Variants in MTERF3 observed in about 807,000 individuals in gnomAD.
MTERF3 encodes mitochondrial transcription termination factor 3.
Under a neutral mutation model 40.5 loss-of-function variants are expected in MTERF3, and 40 were observed. That is an observed-to-expected ratio of 0.99 (90% CI 0.77 to 1.29). The LOEUF is 1.29. MTERF3 is among the 50% of genes most tolerant of loss of function. The probability of loss-of-function intolerance (pLI) is 0.00; values close to 1 mark genes in which losing one functional copy is unlikely to be tolerated. For synonymous variants in MTERF3, 158 were observed against 166.6 expected (o/e 0.95, Z 0.40); for missense variants, 452 against 478.2 (o/e 0.95, Z 0.51).
chr8:96,245,527 C>T (rs1030745768), intron 6 of MTERF3, among the ~76,000 whole-genome samples: 3 of 152,170 alleles, frequency 2.0e-5, no homozygotes, highest in Admixed American at 1.3e-4. Context: ...AGACTGGTAA[C>T]ACTGCCCAGG....
chr8:96,240,247 CAAA>C (rs955824608), intron 7 of MTERF3, among the ~76,000 whole-genome samples: 2 of 103,180 alleles, frequency 1.9e-5, no homozygotes, highest in African/African-American at 3.6e-5. Context: ...GACTCCATCT[CAAA>C]AAAAAAAAAA....
intron 7 of MTERF3, 121 bp from the exon 8 acceptor site, chr8:96,239,806 A>AAGT (rs758030194): frequency 6.8e-6 from 5 of 735,108 alleles, no homozygotes; most frequent in Non-Finnish European, 1.2e-5. Context: ...TGTGTTCAGT[A>AAGT]AGTAGGATAA....
At chr8:96,252,722 G>A (rs11996902) in intron 3 of MTERF3, among the ~76,000 whole-genome samples, 1,530 of 152,208 alleles carry the variant, frequency 0.01, 26 homozygotes, top group African/African-American at 0.035. Flanking sequence ...ATGGGGGAGC[G>A]GATGCTCTAA....
chr8:96,246,295 C>G lies in MTERF3; in HGVS notation c.825+12G>C. 6.3e-7 allele frequency: 1 copy of G among 1,586,046 alleles called. No homozygotes were observed. On this transcript the variant is annotated intron_variant, in intron 5 of 7. Transcript: ENST00000287025. ...TGACATGGAAATAAACAAATTCTCT[C>G]CTTTTCTTTACCTTCTTCACACTAA...
In MTERF3 at chr8:96,252,334, T is replaced by C. The variant is rs551894927; in HGVS notation, c.488-1239A>G. Among the ~76,000 whole-genome samples the C allele has an allele frequency of 7.2e-5, 11 of 152,372 alleles. No homozygotes were observed. In the East Asian group the frequency reaches 1.7e-3, roughly 24 times the overall value. On this transcript the variant is annotated intron_variant, in intron 3 of 7. Transcript: ENST00000287025. The stretch of plus-strand genomic sequence containing the variant: ...AATAGATAGACTATTTGTTAAAATA[T>C]ATGGGACCATTAGCTATACTTTTGA...
intron 4 of MTERF3, among the ~76,000 whole-genome samples, chr8:96,250,695 G>GGAGGAGGA (rs1491344222): frequency 1.6e-5 from 1 of 63,764 alleles, no homozygotes; most frequent in Non-Finnish European, 3.3e-5. Flanking sequence ...AGGAGGAGGA[G>GGAGGAGGA]GGGGGGAGGG....
chr8:96,253,411 TTC>T (rs1810221690), intron 3 of MTERF3, among the ~76,000 whole-genome samples: 1 of 152,132 alleles, frequency 6.6e-6, no homozygotes. Flanking sequence ...CCCTTCTACC[TTC>T]TGTCCTGTAG....
chr8:96,246,222 C>T, intron 5 of MTERF3, 85 bp downstream of exon 5: 1 of 1,277,028 alleles, frequency 7.8e-7, no homozygotes, highest in African/African-American at 1.5e-5. Context: ...TTCACATGGG[C>T]CAGGCATCTG....
intron 4 of MTERF3, among the ~76,000 whole-genome samples, chr8:96,247,751 G>A (rs1810048610): frequency 6.6e-6 from 1 of 151,978 alleles, no homozygotes; most frequent in South Asian, 2.1e-4. Context: ...AATTTTAAAT[G>A]CATGGCAAAA....
intron 4 of MTERF3, among the ~76,000 whole-genome samples, chr8:96,250,073 T>C (rs539687449): frequency 1.3e-5 from 2 of 152,284 alleles, no homozygotes; most frequent in South Asian, 2.1e-4. Flanking sequence ...TATCTCACTG[T>C]ATTTATTTTC....
intron 4 of MTERF3, among the ~76,000 whole-genome samples, chr8:96,248,948 T>A (rs1201195646): frequency 6.6e-6 from 1 of 152,230 alleles, no homozygotes. Flanking sequence ...TGAATACATG[T>A]GGCTGCATTA....
At position 96,239,448 on chromosome 8, in the gene MTERF3, A is replaced by G. The variant is rs1163157779; in HGVS notation, c.*43T>C. 2.2e-6 allele frequency: 3 copies of G among 1,367,032 alleles called. No homozygotes were observed. Among genetic ancestry groups the G allele is most frequent in the Admixed American group, 2.6e-5 (1 of 38,972 alleles). 84.7% of individuals were successfully genotyped at this position (1,367,032 alleles called of 1,614,324 possible). A position where few individuals can be genotyped will look rare whatever the true frequency, so the allele number is the denominator to read the frequency against. On this transcript the variant is annotated 3_prime_UTR_variant, in exon 8 of 8. Coordinates refer to ENST00000287025, the MANE Select transcript of MTERF3 (RefSeq NM_015942.5). ...TAAAAATATATTCATTTATTCATAT[A>G]TATATTCACTTTACAATACTGCATT...
In MTERF3 at chr8:96,250,522, C is replaced by T. The variant is rs570859372; in HGVS notation, c.677+384G>A. Among the ~76,000 whole-genome samples, 9 of 143,050 alleles carry T rather than the reference C, an allele frequency of 6.3e-5. No individual in the cohort carries two copies. The East Asian group carries it at 1.0e-3, about 16-fold the overall frequency. The allele number at this position is 143,050 out of a possible 152,430, so 93.8% of individuals were successfully genotyped here. A position where few individuals can be genotyped will look rare whatever the true frequency, so the allele number is the denominator to read the frequency against. On this transcript the variant is annotated intron_variant, in intron 4 of 7. Coordinates refer to ENST00000287025, the MANE Select transcript of MTERF3 (RefSeq NM_015942.5). Reference sequence around the variant, plus strand: ...GGTCAGGAGTTCGAGAACAGCCTGGCCAATGTGGCGAAACCCCATCTCTCC... The same window carrying T: ...GGTCAGGAGTTCGAGAACAGCCTGGTCAATGTGGCGAAACCCCATCTCTCC...
At chr8:96,247,338 T>A (rs1370086529) in intron 4 of MTERF3, among the ~76,000 whole-genome samples, 2 of 152,214 alleles carry the variant, frequency 1.3e-5, no homozygotes, top group Non-Finnish European at 1.5e-5. Context: ...ACTGAGAGAT[T>A]TTCCTGCTAA....
At chr8:96,261,014 G>A (rs959593992) in intron 1 of MTERF3, among the ~76,000 whole-genome samples, 1 of 152,172 alleles carries the variant, frequency 6.6e-6, no homozygotes, top group Non-Finnish European at 1.5e-5. Context: ...CTTCTAACAA[G>A]GTCCTTTCAT....
intron 4 of MTERF3, among the ~76,000 whole-genome samples, chr8:96,247,121 C>T (rs1448392966): frequency 6.6e-6 from 1 of 152,054 alleles, no homozygotes; most frequent in Non-Finnish European, 1.5e-5. Context: ...TACAGGCACA[C>T]ACCACTAGAC....
At chr8:96,250,817 G>C in intron 4 of MTERF3, 89 bp downstream of exon 4, 2 of 1,268,150 alleles carry the variant, frequency 1.6e-6, no homozygotes, top group Non-Finnish European at 2.2e-6. Flanking sequence ...GTAGACCCTT[G>C]TGCAGCAGAG....
intron 1 of MTERF3, among the ~76,000 whole-genome samples, 159 bp downstream of exon 1, chr8:96,261,342 C>T (rs1238869983): frequency 6.6e-6 from 1 of 152,260 alleles, no homozygotes; most frequent in African/African-American, 2.4e-5. Context: ...TTCACTACAT[C>T]AGCCAGGGAA....
intron 4 of MTERF3, among the ~76,000 whole-genome samples, chr8:96,249,838 G>C (rs552262742): frequency 6.6e-6 from 1 of 152,284 alleles, no homozygotes; most frequent in African/African-American, 2.4e-5. Context: ...GAACTGATGG[G>C]CTTTCATGAT....
Sources: gnomAD v4.1 joint callset for allele counts (sites outside exome capture counted in the v4.1 genomes callset) on GRCh38, gnomAD v4.1.1 for gene constraint, MANE v1.5 for transcripts, NCBI Gene and HGNC (gene_info 2026-07-23, HGNC 2026-07-21) for gene names.